The following VWF variants were observed in gnomAD, a reference collection of about 807,000 sequenced individuals.
VWF encodes von Willebrand factor, also known as Factor VIII related antigen.
A neutral mutation model predicts 308.6 loss-of-function variants in VWF; 176 were observed. The observed-to-expected ratio is 0.57, with a 90% CI of 0.50 to 0.65. The LOEUF is 0.65. VWF is among the 30% of genes least tolerant of loss of function. VWF has a pLI of 0.00. For synonymous variants in VWF, 1,385 were observed against 1,443.4 expected (o/e 0.96, Z 0.92); for missense variants, 3,146 against 3,648.2 (o/e 0.86, Z 3.55).
At chr12:5,958,929 G>A (rs1375482326) in intron 47 of VWF, among the ~76,000 whole-genome samples, 3 of 152,016 alleles carry the variant, frequency 2.0e-5, no homozygotes, top group Non-Finnish European at 4.4e-5. Flanking sequence ...AAAAATAAAG[G>A]AGGTGGCTGG....
In VWF at chr12:6,058,501, G is replaced by A. The variant is rs1320056009; in HGVS notation, c.1534-457C>T. 3.9e-5 allele frequency among the ~76,000 whole-genome samples: 6 copies of A among 152,176 alleles called. No homozygotes were observed. The highest frequency in any genetic ancestry group is 7.3e-5 in the Non-Finnish European group (5 of 68,046). ...AACTCAAGGCCCCTCTATATAGAAA[G>A]ACTTCGCGTTGGTCACTCGGTGTGG... On this transcript the variant is annotated intron_variant, in intron 13 of 51. Coordinates refer to ENST00000261405, the MANE Select transcript of VWF (RefSeq NM_000552.5). This position sits in a 1 kb window ranked among gnomAD's most constrained non-coding sequence, Gnocchi z 4.9.
Position 5,968,185 on chromosome 12 carries a change from G to T in VWF, c.7730-18C>A. ...CATGCGCTCTGGGGGAGAGAAAAGT[G>T]CAGAGTGAGAGTGGGCAAAACACAC... On this transcript the variant is annotated intron_variant, in intron 45 of 51. Coordinates refer to ENST00000261405, the MANE Select transcript of VWF (RefSeq NM_000552.5). The T allele has an allele frequency of 1.2e-6, 2 of 1,613,860 alleles. No homozygotes were observed. The highest frequency in any genetic ancestry group is 1.7e-6 in the Non-Finnish European group (2 of 1,179,922).
chr12:6,074,357 G>A (rs542803594), intron 7 of VWF, among the ~76,000 whole-genome samples: 156 of 152,118 alleles, frequency 1.0e-3, no homozygotes, highest in African/African-American at 3.5e-3. Context: ...GTAGCTGAGC[G>A]ACATTCAGGC....
intron 47 of VWF, among the ~76,000 whole-genome samples, chr12:5,964,300 A>ATACATGCATGCATACATACAT (rs1267334614): frequency 6.6e-6 from 1 of 151,988 alleles, no homozygotes; most frequent in East Asian, 1.9e-4. Flanking sequence ...ACATACATAC[A>ATACATGCATGCATACATACAT]AAAAGCTACC....
In VWF at chr12:6,016,773, G is replaced by A; in HGVS notation, c.5151C>T (p.Phe1717=). ...FDEMKSFAKA[F]ISKANIGPRL... The stretch of plus-strand genomic sequence containing the variant: ...ACCCACCTATATTGGCTTTTGAAAT[G>A]AAAGCCTTGGCGAAACTCTTCATTT... Residue 1717 remains phenylalanine (F), a synonymous_variant, in exon 29 of 52, where the codon TTC becomes TTT. Coordinates refer to ENST00000261405, the MANE Select transcript of VWF (RefSeq NM_000552.5). 4 of 1,614,156 alleles carry A rather than the reference G, an allele frequency of 2.5e-6. No homozygotes were observed. Among genetic ancestry groups the A allele is most frequent in the Non-Finnish European group, 3.4e-6 (4 of 1,180,044 alleles).
chr12:6,115,485 C>A (rs2136528511), intron 3 of VWF, among the ~76,000 whole-genome samples: 1 of 152,302 alleles, frequency 6.6e-6, no homozygotes, highest in South Asian at 2.1e-4. Flanking sequence ...AGGACACACA[C>A]ACACACGTTT....
intron 34 of VWF, among the ~76,000 whole-genome samples, chr12:6,010,401 C>T (rs1316368696): frequency 6.6e-6 from 1 of 152,170 alleles, no homozygotes; most frequent in African/African-American, 2.4e-5. Flanking sequence ...AACTGATGGA[C>T]ATTCCAGTTT....
At chr12:6,049,199 A>T (rs1300151878) in intron 16 of VWF, among the ~76,000 whole-genome samples, 1 of 152,188 alleles carries the variant, frequency 6.6e-6, no homozygotes. Flanking sequence ...AAGAATAAAA[A>T]TAAACAGCGG....
At chr12:6,079,234 A>G (rs1336230578) in intron 6 of VWF, among the ~76,000 whole-genome samples, 1 of 152,132 alleles carries the variant, frequency 6.6e-6, no homozygotes, top group Non-Finnish European at 1.5e-5. Flanking sequence ...TTAGGTGGCT[A>G]TCTCTGCTGC....
At chr12:5,983,925 TTAGA>T (rs1943642795) in intron 40 of VWF, among the ~76,000 whole-genome samples, 1 of 150,972 alleles carries the variant, frequency 6.6e-6, no homozygotes, top group Non-Finnish European at 1.5e-5. Flanking sequence ...GATACATAGG[TTAGA>T]TAGAGATAGG....
At chr12:5,973,546 G>C (rs1362353510) in intron 43 of VWF, among the ~76,000 whole-genome samples, 1 of 152,192 alleles carries the variant, frequency 6.6e-6, no homozygotes, top group Non-Finnish European at 1.5e-5. Context: ...ACTGGCCCTT[G>C]CAACACTGGA....
chr12:6,052,486 G>A (rs985027564), intron 16 of VWF, 57 bp downstream of exon 16: 51 of 1,613,282 alleles, frequency 3.2e-5, no homozygotes, highest in South Asian at 2.2e-4. Flanking sequence ...TGGGGGTCCC[G>A]TTTTCCTCCC....
chr12:6,120,531 G>A (rs1388818627), intron 3 of VWF, among the ~76,000 whole-genome samples: 1 of 152,098 alleles, frequency 6.6e-6, no homozygotes, highest in African/African-American at 2.4e-5. Context: ...TCAAACTCTT[G>A]ACCTCAGGTG....
At chr12:6,100,753 G>A (rs1644078401) in intron 5 of VWF, among the ~76,000 whole-genome samples, 1 of 152,184 alleles carries the variant, frequency 6.6e-6, no homozygotes, top group Admixed American at 6.6e-5. Flanking sequence ...GGGGTTGGGA[G>A]AGTGGGGAGG....
intron 47 of VWF, among the ~76,000 whole-genome samples, chr12:5,959,720 A>G (rs1308872910): frequency 2.0e-5 from 3 of 152,122 alleles, no homozygotes; most frequent in Non-Finnish European, 2.9e-5. Context: ...TGAAAAACAC[A>G]CCACCATATT....
intron 5 of VWF, among the ~76,000 whole-genome samples, chr12:6,106,965 T>C (rs1945252350): frequency 6.6e-6 from 1 of 151,330 alleles, no homozygotes; most frequent in Admixed American, 6.6e-5. Flanking sequence ...TAGAAATCTA[T>C]ACACAAATGT....
chr12:5,999,471 T>TACACACACACACACAC (rs3062521), intron 34 of VWF, among the ~76,000 whole-genome samples: 72 of 143,634 alleles, frequency 5.0e-4, no homozygotes, highest in African/African-American at 1.5e-3. Context: ...TGTACACACA[T>TACACACACACACACAC]ACACACACAC....
In VWF at chr12:6,018,936, G is replaced by T; in HGVS notation, c.4482C>A (p.Ser1494=). 1 of 1,613,902 alleles carries T rather than the reference G, an allele frequency of 6.2e-7. No individual in the cohort carries two copies. Among genetic ancestry groups the T allele is most frequent in the Non-Finnish European group, 8.5e-7 (1 of 1,179,848 alleles). ...GGACGAACGCCACATCCAGAACCAT[G>T]GAGTTCCTCTTGGGCCCCAGGGTCG... is the stretch of plus-strand genomic sequence containing the variant. ...GVSTLGPKRN[S]MVLDVAFVLE... The change falls in exon 28 of 52, where the codon TCC becomes TCA. Residue 1494 remains serine (S), a synonymous_variant. Transcript: ENST00000261405.
chr12:5,954,669 T>C lies in VWF; in HGVS notation c.7888-1075A>G, dbSNP rs116515579. Among the ~76,000 whole-genome samples, 792 of 152,326 alleles carry C rather than the reference T, an allele frequency of 5.2e-3. 9 individuals carry two copies. Among genetic ancestry groups the C allele is most frequent in the African/African-American group, 0.017 (726 of 41,566 alleles). On this transcript the variant is annotated intron_variant, in intron 47 of 51. Transcript: ENST00000261405. ...GCCCCTAAATCTGCAAATAAACTCC[T>C]CTGAACTCTTTGGTTGATCCCTTAA... is the stretch of plus-strand genomic sequence containing the variant.
Sources: gnomAD v4.1 joint callset for allele counts (sites outside exome capture counted in the v4.1 genomes callset) on GRCh38, gnomAD v4.1.1 for gene constraint, Gnocchi (gnomAD v3.1) non-coding constraint, MANE v1.5 for transcripts, NCBI Gene and HGNC (gene_info 2026-07-23, HGNC 2026-07-21) for gene names.